FARP1: variants seen among roughly 807,000 people sequenced by gnomAD.
FARP1 encodes FERM, ARH/RhoGEF and pleckstrin domain protein 1.
Under a neutral mutation model 128.8 loss-of-function variants are expected in FARP1, and 52 were observed. That is an observed-to-expected ratio of 0.40 (90% CI 0.32 to 0.51). The LOEUF (loss-of-function observed/expected upper bound fraction) is 0.51. Ranked by LOEUF, FARP1 falls within the 20% of genes least tolerant of loss-of-function variation. The probability of loss-of-function intolerance (pLI) is 0.45; values close to 1 mark genes in which losing one functional copy is unlikely to be tolerated. For missense variants in FARP1, 1,333 were observed against 1,367.9 expected, an observed-to-expected ratio of 0.97 and a Z score of 0.40; for synonymous variants, 580 against 551.8, an observed-to-expected ratio of 1.05 and a Z score of -0.72.
intron 2 of FARP1, among the ~76,000 whole-genome samples, chr13:98,269,634 A>C (rs1566815373): frequency 1.3e-5 from 2 of 152,222 alleles, no homozygotes; most frequent in Non-Finnish European, 2.9e-5. Context: ...GGTCAACATA[A>C]TATTTAGCTT....
intron 4 of FARP1, among the ~76,000 whole-genome samples, chr13:98,365,894 G>GGTGTGTGTGTGTGTGTGTGT (rs55871546): frequency 6.7e-6 from 1 of 148,264 alleles, no homozygotes; most frequent in African/African-American, 2.5e-5. Flanking sequence ...GTGTGTATGT[G>GGTGTGTGTGTGTGTGTGTGT]GTGTGTGTGT....
At chr13:98,289,800 C>G (rs1351647964) in intron 2 of FARP1, among the ~76,000 whole-genome samples, 3 of 152,162 alleles carry the variant, frequency 2.0e-5, no homozygotes, top group Admixed American at 1.3e-4. Context: ...CTCCCGAAAG[C>G]CTGGCATCTG....
chr13:98,336,874 T>A (rs1887766503), intron 2 of FARP1, among the ~76,000 whole-genome samples: 1 of 152,176 alleles, frequency 6.6e-6, no homozygotes, highest in Non-Finnish European at 1.5e-5. Context: ...AGGACAAAAA[T>A]TTCATTACAT....
At chr13:98,362,055 G>C (rs1477159315) in intron 3 of FARP1, among the ~76,000 whole-genome samples, 1 of 152,178 alleles carries the variant, frequency 6.6e-6, no homozygotes, top group African/African-American at 2.4e-5. Context: ...CTTGAGCCCA[G>C]GATTTCGAGA....
chr13:98,333,324 A>T (rs1168797253), intron 2 of FARP1: 4 of 152,112 alleles, frequency 2.6e-5, no homozygotes, highest in Non-Finnish European at 5.9e-5. Context: ...ACTCAAGATC[A>T]GGAGATGACA....
Position 98,176,043 on chromosome 13 carries a change from A to C in FARP1, c.-24+32551A>C. On this transcript the variant is annotated intron_variant, in intron 1 of 26. Coordinates refer to ENST00000319562, the MANE Select transcript of FARP1 (RefSeq NM_005766.4). This position sits in a 1 kb window ranked among gnomAD's most constrained non-coding sequence, Gnocchi z 6.2. The stretch of plus-strand genomic sequence containing the variant: ...ATGGGAGTGCACATACCTCTTTGAG[A>C]TCCGGATTTCAATTCTTTTGGTTAC... 49 of 907,394 alleles carry C rather than the reference A, an allele frequency of 5.4e-5. No homozygotes were observed. The highest frequency in any genetic ancestry group is 8.2e-5 in the Non-Finnish European group (47 of 571,000). The allele number at this position is 907,394 out of a possible 1,614,324, so 56.2% of individuals were successfully genotyped here.
intron 1 of FARP1, among the ~76,000 whole-genome samples, chr13:98,174,719 T>C (rs1042785283): frequency 1.8e-4 from 28 of 152,218 alleles, no homozygotes; most frequent in Non-Finnish European, 1.3e-4. Flanking sequence ...TTTTCCCTGC[T>C]TGAATTACAA....
At chr13:98,386,187 CTTT>C (rs138218092) in intron 8 of FARP1, among the ~76,000 whole-genome samples, 7 of 93,032 alleles carry the variant, frequency 7.5e-5, no homozygotes, top group East Asian at 3.1e-4. Context: ...TAATGTGATC[CTTT>C]TTTTTTTTTT....
rs547663242 is a variant in FARP1 at position 98,451,387 on chromosome 13, T to A, written c.*3070T>A. 1.1e-4 allele frequency: 17 copies of A among 152,332 alleles called. No homozygotes were observed. The highest frequency in any genetic ancestry group is 4.1e-4 in the African/African-American group (17 of 41,562). The allele number at this position is 152,332 out of a possible 1,614,324, so 9.4% of individuals were successfully genotyped here. Reference sequence around the variant, plus strand: ...TTTATTATTCAACATAACATTCTTGTATGGAGTAATGAGTACAATAAGAAT... The same window carrying A: ...TTTATTATTCAACATAACATTCTTGAATGGAGTAATGAGTACAATAAGAAT... On this transcript the variant is annotated 3_prime_UTR_variant, in exon 27 of 27. Coordinates refer to ENST00000319562, the MANE Select transcript of FARP1 (RefSeq NM_005766.4).
At chr13:98,246,640 A>G (rs1883084295) in intron 2 of FARP1, among the ~76,000 whole-genome samples, 1 of 152,060 alleles carries the variant, frequency 6.6e-6, no homozygotes, top group African/African-American at 2.4e-5. Context: ...TAATCTAAAA[A>G]GCTCAAAGTT....
At chr13:98,225,224 T>A (rs1230178125) in intron 2 of FARP1, among the ~76,000 whole-genome samples, 1 of 152,214 alleles carries the variant, frequency 6.6e-6, no homozygotes, top group Non-Finnish European at 1.5e-5. Context: ...AAACGGGACG[T>A]CTGGTTTCGT....
At chr13:98,225,115 T>A (rs937433753) in intron 2 of FARP1, among the ~76,000 whole-genome samples, 19 of 152,232 alleles carry the variant, frequency 1.2e-4, no homozygotes, top group African/African-American at 4.3e-4. Flanking sequence ...AAGTTGAATA[T>A]AAGAGCTGAA....
intron 5 of FARP1, among the ~76,000 whole-genome samples, chr13:98,374,749 T>C (rs1889506710): frequency 6.6e-6 from 1 of 152,226 alleles, no homozygotes; most frequent in Non-Finnish European, 1.5e-5. Flanking sequence ...TTTATTTTGC[T>C]CATGATTCTG....
At chr13:98,437,459 T>C (rs766123528) in intron 19 of FARP1, among the ~76,000 whole-genome samples, 2 of 147,388 alleles carry the variant, frequency 1.4e-5, no homozygotes, top group Non-Finnish European at 3.0e-5. Flanking sequence ...GGAAAATACA[T>C]TGCCAGAAAG....
intron 2 of FARP1, among the ~76,000 whole-genome samples, chr13:98,237,029 C>T (rs555572230): frequency 4.0e-5 from 6 of 151,134 alleles, no homozygotes; most frequent in South Asian, 2.1e-4. Context: ...TTAGGCCGGG[C>T]GCGTGTGGCT....
In FARP1 at chr13:98,176,020, G is replaced by T; in HGVS notation, c.-24+32528G>T. ...TTGCAAATAATTCTGCAGTGAACAT[G>T]GGAGTGCACATACCTCTTTGAGATC... On this transcript the variant is annotated intron_variant, in intron 1 of 26. Coordinates refer to ENST00000319562, the MANE Select transcript of FARP1 (RefSeq NM_005766.4). This position sits in a 1 kb window ranked among gnomAD's most constrained non-coding sequence, Gnocchi z 6.2. 3 of 748,260 alleles carry T rather than the reference G, an allele frequency of 4.0e-6. No homozygotes were observed. The highest frequency in any genetic ancestry group is 2.5e-5 in the East Asian group (1 of 39,308). The allele number at this position is 748,260 out of a possible 1,614,324, so 46.4% of individuals were successfully genotyped here.
intron 3 of FARP1, among the ~76,000 whole-genome samples, chr13:98,349,380 A>C (rs901992247): frequency 7.2e-5 from 11 of 152,094 alleles, no homozygotes; most frequent in African/African-American, 2.4e-4. Context: ...GTTTTATTAA[A>C]ATGACATTGT....
At position 98,453,273 on chromosome 13, in the gene FARP1, TATA is replaced by T; in HGVS notation, c.*4957_*4959del. ...TTTCTCATCCCTGTGCAAAAATTCA[TATA>T]GTAACCAAAATCTTAGTTTTCATAA... On this transcript the variant is annotated 3_prime_UTR_variant, in exon 27 of 27. Coordinates refer to ENST00000319562, the MANE Select transcript of FARP1 (RefSeq NM_005766.4). The T allele has an allele frequency of 2.0e-6, 3 of 1,515,470 alleles. No homozygotes were observed. Among genetic ancestry groups the T allele is most frequent in the Non-Finnish European group, 2.7e-6 (3 of 1,114,728 alleles). 93.9% of individuals were successfully genotyped at this position (1,515,470 alleles called of 1,614,324 possible).
At chr13:98,179,415 T>TATC (rs147974047) in intron 1 of FARP1, among the ~76,000 whole-genome samples, 1 of 152,308 alleles carries the variant, frequency 6.6e-6, no homozygotes, top group African/African-American at 2.4e-5. Context: ...AGCCAAACCA[T>TATC]ATCAGTGTCC....
Sources: gnomAD v4.1 joint callset for allele counts (sites outside exome capture counted in the v4.1 genomes callset) on GRCh38, gnomAD v4.1.1 for gene constraint, Gnocchi (gnomAD v3.1) non-coding constraint, MANE v1.5 for transcripts, NCBI Gene and HGNC (gene_info 2026-07-23, HGNC 2026-07-21) for gene names.